CDC20B: variants seen among roughly 807,000 people sequenced by gnomAD.
The protein encoded by CDC20B is cell division cycle protein 20 homolog B.
Under a neutral mutation model 64.1 loss-of-function variants are expected in CDC20B, and 58 were observed. The ratio of observed to expected loss-of-function variants is 0.90; its 90% confidence interval spans 0.73 to 1.13. CDC20B has a LOEUF of 1.13. Among genes scored for constraint, CDC20B ranks in the 50% most tolerant of loss-of-function variants. The probability of loss-of-function intolerance (pLI) is 0.00; values close to 1 mark genes in which losing one functional copy is unlikely to be tolerated. For synonymous variants in CDC20B, 243 were observed against 230.6 expected (o/e 1.05, Z -0.49); for missense variants, 597 against 633.0 (o/e 0.94, Z 0.61).
At chr5:55,156,955 T>C (rs1053522729) in intron 2 of CDC20B, among the ~76,000 whole-genome samples, 2 of 152,228 alleles carry the variant, frequency 1.3e-5, no homozygotes, top group African/African-American at 4.8e-5. Context: ...TTCCGTTTCT[T>C]GTGTGTTCTC....
At chr5:55,115,225 A>AAAGAACATTCT (rs1372780950) in intron 11 of CDC20B, among the ~76,000 whole-genome samples, 1 of 152,250 alleles carries the variant, frequency 6.6e-6, no homozygotes, top group Non-Finnish European at 1.5e-5. Flanking sequence ...ATTATTTGCC[A>AAAGAACATTCT]AAGAACATTC....
At chr5:55,170,647 G>C (rs774166912) in intron 2 of CDC20B, 17 of 534,688 alleles carry the variant, frequency 3.2e-5, no homozygotes, top group Non-Finnish European at 6.2e-5. Context: ...TCATTGACAA[G>C]AAGAATTTAT....
At chr5:55,124,341 A>C (rs1298302865) in intron 9 of CDC20B, among the ~76,000 whole-genome samples, 3 of 152,134 alleles carry the variant, frequency 2.0e-5, no homozygotes, top group Non-Finnish European at 4.4e-5. Flanking sequence ...TATAAGGAAA[A>C]ATGGCTTCTT....
chr5:55,132,599 TG>T (rs1413949582), intron 6 of CDC20B, among the ~76,000 whole-genome samples: 2 of 152,240 alleles, frequency 1.3e-5, no homozygotes, highest in African/African-American at 4.8e-5. Context: ...CTTTTCTTCA[TG>T]GAGGAAAAAT....
intron 2 of CDC20B, among the ~76,000 whole-genome samples, chr5:55,171,968 C>T (rs886220498): frequency 1.1e-4 from 16 of 152,196 alleles, no homozygotes; most frequent in African/African-American, 3.9e-4. Context: ...ACTAGAATCT[C>T]TGCGTACAGG....
At chr5:55,123,358 C>G (rs1329004774) in intron 9 of CDC20B, among the ~76,000 whole-genome samples, 1 of 152,044 alleles carries the variant, frequency 6.6e-6, no homozygotes, top group Non-Finnish European at 1.5e-5. Context: ...CCCATGGGCC[C>G]CAGTTTTACC....
In CDC20B at chr5:55,124,859, C is replaced by G. The variant is rs765418729; in HGVS notation, c.1159G>C (p.Gly387Arg). Reference protein sequence around the residue: ...GLLTIWPHDPGASAQGQPLKV... With the variant: ...GLLTIWPHDPRASAQGQPLKV... ...AGCGGTTGGCCCTGTGCACTGGCAC[C>G]TGGATCGTGGGGCCATATTGTCAGC... is the stretch of plus-strand genomic sequence containing the variant. The change falls in exon 9 of 12, where the codon GGT becomes CGT. Residue 387 changes from glycine (G) to arginine (R), a missense_variant. Gly to Arg is a moderately radical substitution (Grantham distance 125, BLOSUM62 -2). This residue lies in a region of CDC20B where 353 missense variants were observed against 397.0 expected (regional missense o/e 0.89). Coordinates refer to ENST00000381375, the MANE Select transcript of CDC20B (RefSeq NM_001170402.1). 87 of 1,614,172 alleles carry G rather than the reference C, an allele frequency of 5.4e-5. No homozygotes were observed. The highest frequency in any genetic ancestry group is 7.4e-5 in the Non-Finnish European group (87 of 1,180,026).
Position 55,125,045 on chromosome 5 carries a change from C to A in CDC20B, c.990-17G>T. On this transcript the variant is annotated splice_polypyrimidine_tract_variant and intron_variant, in intron 8 of 11. Transcript: ENST00000381375. ...CTTGACCCACTGCGAGTTTACATAACAAAAAAATTAAGCCCTGTTGCTACA... is the reference window on the plus strand; with the variant it reads ...CTTGACCCACTGCGAGTTTACATAAAAAAAAAATTAAGCCCTGTTGCTACA... 3 of 1,595,298 alleles carry A rather than the reference C, an allele frequency of 1.9e-6. No homozygotes were observed. The highest frequency in any genetic ancestry group is 1.7e-5 in the Admixed American group (1 of 58,850).
intron 2 of CDC20B, among the ~76,000 whole-genome samples, chr5:55,150,074 G>A (rs1446894560): frequency 6.6e-6 from 1 of 152,176 alleles, no homozygotes; most frequent in Non-Finnish European, 1.5e-5. Flanking sequence ...AGAGGTTGCA[G>A]TGAGCCGAGA....
chr5:55,169,698 T>C (rs947672497), intron 2 of CDC20B, among the ~76,000 whole-genome samples: 1 of 152,236 alleles, frequency 6.6e-6, no homozygotes, highest in African/African-American at 2.4e-5. Context: ...ATATTCTTGA[T>C]ATTTCAAGTG....
chr5:55,121,165 T>C (rs908091476), intron 9 of CDC20B, among the ~76,000 whole-genome samples: 4 of 152,202 alleles, frequency 2.6e-5, no homozygotes, highest in Admixed American at 2.6e-4. Context: ...TTAAAGGACA[T>C]TTTAACAAAT....
intron 2 of CDC20B, among the ~76,000 whole-genome samples, chr5:55,163,460 C>A (rs1193095579): frequency 6.6e-6 from 1 of 152,092 alleles, no homozygotes; most frequent in Non-Finnish European, 1.5e-5. Context: ...GTGGCACACA[C>A]CTGTAATCCC....
chr5:55,156,265 G>T (rs1184067055), intron 2 of CDC20B, among the ~76,000 whole-genome samples: 2 of 152,106 alleles, frequency 1.3e-5, no homozygotes, highest in African/African-American at 2.4e-5. Flanking sequence ...TTCATATGTG[G>T]GGATTATTAC....
intron 8 of CDC20B, 49 bp from the exon 9 acceptor site, chr5:55,125,077 T>C (rs760988846): frequency 6.9e-7 from 1 of 1,459,312 alleles, no homozygotes; most frequent in Non-Finnish European, 9.6e-7. Context: ...TACATAAACA[T>C]TTGAAAACAT....
intron 5 of CDC20B, among the ~76,000 whole-genome samples, chr5:55,134,330 A>T (rs965312782): frequency 3.3e-5 from 5 of 152,162 alleles, no homozygotes; most frequent in African/African-American, 7.2e-5. Context: ...CCAAATTGTT[A>T]CTCATAAATT....
At chr5:55,139,467 A>G (rs1439038836) in intron 5 of CDC20B, among the ~76,000 whole-genome samples, 1 of 152,216 alleles carries the variant, frequency 6.6e-6, no homozygotes, top group Non-Finnish European at 1.5e-5. Context: ...GAGTGAGTGC[A>G]TGGAAAATGT....
intron 2 of CDC20B, among the ~76,000 whole-genome samples, chr5:55,148,394 C>T (rs1743558563): frequency 6.6e-6 from 1 of 152,174 alleles, no homozygotes; most frequent in African/African-American, 2.4e-5. Flanking sequence ...CTTCTACTGA[C>T]CCAGCAATAT....
intron 7 of CDC20B, 55 bp from the exon 8 acceptor site, chr5:55,127,406 T>C: frequency 2.8e-6 from 4 of 1,440,556 alleles, no homozygotes; most frequent in Non-Finnish European, 3.9e-6. Context: ...CAGCCCACTG[T>C]CTTCTCAAAG....
intron 8 of CDC20B, 127 bp from the exon 9 acceptor site, chr5:55,125,155 G>T: frequency 1.5e-6 from 1 of 660,824 alleles, no homozygotes; most frequent in Non-Finnish European, 2.6e-6. Context: ...CACAGGTGGA[G>T]ATTCCTTGGG....
Sources: gnomAD v4.1 joint callset for allele counts (sites outside exome capture counted in the v4.1 genomes callset) on GRCh38, gnomAD v4.1.1 for gene constraint, gnomAD v4.1.1 regional missense constraint, MANE v1.5 for transcripts, NCBI Gene and HGNC (gene_info 2026-07-23, HGNC 2026-07-21) for gene names.